The following OTULINL variants were observed in gnomAD, a reference collection of about 807,000 sequenced individuals.
The protein encoded by OTULINL is OTU deubiquitinase with linear linkage specificity like.
Under a neutral mutation model 43.9 loss-of-function variants are expected in OTULINL, and 42 were observed. That is an observed-to-expected ratio of 0.96 (90% CI 0.75 to 1.24). The LOEUF is 1.24. Ranked by LOEUF, OTULINL falls within the 50% of genes most tolerant of loss-of-function variation. OTULINL has a pLI of 0.00. For missense variants in OTULINL, 411 were observed against 426.4 expected (o/e 0.96, Z 0.32); for synonymous variants, 172 against 153.6 (o/e 1.12, Z -0.88).
At chr5:14,587,650 T>G (rs1428801423) in intron 1 of OTULINL, among the ~76,000 whole-genome samples, 1 of 152,110 alleles carries the variant, frequency 6.6e-6, no homozygotes, top group Non-Finnish European at 1.5e-5. Context: ...TAAAGAAAAA[T>G]CCCTTGAATC....
Position 14,601,097 on chromosome 5 carries a change from AT to A in OTULINL, c.200del (p.Leu67TyrfsTer7). ...VAAICYFRRL[H>X]LYSGHKLKWW... is the part of the protein sequence containing the mutation. ...GCCATCTGCTACTTCCGGAGGCTAC[AT>A]TTATATTCAGGGCACAAGCTGAAAT... On this transcript the variant is annotated frameshift_variant, in exon 2 of 8. Coordinates refer to ENST00000274217, the MANE Select transcript of OTULINL (RefSeq NM_019018.3). LOFTEE classifies it high-confidence loss of function. 1 of 1,612,448 alleles carries A rather than the reference AT, an allele frequency of 6.2e-7. No homozygotes were observed. Among genetic ancestry groups the A allele is most frequent in the Non-Finnish European group, 8.5e-7 (1 of 1,179,466 alleles).
chr5:14,602,924 G>A (rs879565673), intron 5 of OTULINL, among the ~76,000 whole-genome samples: 1 of 152,238 alleles, frequency 6.6e-6, no homozygotes, highest in Non-Finnish European at 1.5e-5. Context: ...GTTAATGAGA[G>A]TTTTAATAAA....
In OTULINL at chr5:14,601,098, T is replaced by G; in HGVS notation, c.198T>G (p.His66Gln). The G allele has an allele frequency of 6.2e-7, 1 of 1,612,756 alleles. No individual in the cohort carries two copies. The highest frequency in any genetic ancestry group is 1.7e-5 in the Admixed American group (1 of 59,728). The change falls in exon 2 of 8, where the codon CAT becomes CAG. Residue 66 changes from histidine (H) to glutamine (Q), a missense_variant. By Grantham distance (24) the His-to-Gln change is conservative. Coordinates refer to ENST00000274217, the MANE Select transcript of OTULINL (RefSeq NM_019018.3). Reference sequence around the variant, plus strand: ...CCATCTGCTACTTCCGGAGGCTACATTTATATTCAGGGCACAAGCTGAAAT... The same window carrying G: ...CCATCTGCTACTTCCGGAGGCTACAGTTATATTCAGGGCACAAGCTGAAAT... ...VAAICYFRRLHLYSGHKLKWW... is the reference protein window; with the variant it reads ...VAAICYFRRLQLYSGHKLKWW...
chr5:14,592,309 A>G (rs928907289), intron 1 of OTULINL, among the ~76,000 whole-genome samples: 19 of 152,208 alleles, frequency 1.2e-4, no homozygotes, highest in African/African-American at 4.6e-4. Context: ...TCTAAACTAT[A>G]AGAGAGAAAG....
rs1393079455 is a variant in OTULINL, at chr5:14,611,071, A to G, written c.*757A>G. 6.6e-6 allele frequency: 1 copy of G among 152,216 alleles called. No homozygotes were observed. 9.4% of individuals were successfully genotyped at this position (152,216 alleles called of 1,614,324 possible). ...ACAGTTATTGAACTATCACAAAACT[A>G]TTAAACTGTGGTACATTTAATGTGT... On this transcript the variant is annotated 3_prime_UTR_variant, in exon 8 of 8. Coordinates refer to ENST00000274217, the MANE Select transcript of OTULINL (RefSeq NM_019018.3).
At chr5:14,609,662 G>A (rs1355585083) in intron 7 of OTULINL, among the ~76,000 whole-genome samples, 2 of 125,192 alleles carry the variant, frequency 1.6e-5, no homozygotes, top group South Asian at 2.5e-4. Context: ...ACGGAGTCTC[G>A]TTCTGTCGCC....
In OTULINL at chr5:14,608,805, C is replaced by G. The variant is rs1409858203; in HGVS notation, c.685C>G (p.Leu229Val). The G allele has an allele frequency of 1.2e-6, 2 of 1,613,254 alleles. No homozygotes were observed. Among genetic ancestry groups the G allele is most frequent in the East Asian group, 4.5e-5 (2 of 44,852 alleles). Residue 229 changes from leucine (L) to valine (V), a missense_variant, in exon 7 of 8, where the codon CTT becomes GTT. Transcript: ENST00000274217. Reference protein sequence around the residue: ...YHKRGSMCNTLFSDAILEYKL... With the variant: ...YHKRGSMCNTVFSDAILEYKL... Reference sequence around the variant, plus strand: ...CAAGAGAGGAAGTATGTGCAACACCCTTTTTTCAGATGCCATTCTGGAATA... The same window carrying G: ...CAAGAGAGGAAGTATGTGCAACACCGTTTTTTCAGATGCCATTCTGGAATA...
At chr5:14,606,498 T>C (rs1759479630) in intron 5 of OTULINL, among the ~76,000 whole-genome samples, 1 of 152,242 alleles carries the variant, frequency 6.6e-6, no homozygotes, top group Non-Finnish European at 1.5e-5. Flanking sequence ...TGGATACCTA[T>C]GATGGATTAG....
At chr5:14,593,734 C>T (rs1274466804) in intron 1 of OTULINL, among the ~76,000 whole-genome samples, 1 of 152,204 alleles carries the variant, frequency 6.6e-6, no homozygotes, top group Non-Finnish European at 1.5e-5. Context: ...GCCCGACTCT[C>T]AGCTGTGATG....
rs1759380112 is a variant in OTULINL at position 14,601,065 on chromosome 5, G to A, written c.165G>A (p.Leu55=). 6.2e-7 allele frequency: 1 copy of A among 1,613,134 alleles called. No individual in the cohort carries two copies. Among genetic ancestry groups the A allele is most frequent in the Non-Finnish European group, 8.5e-7 (1 of 1,179,824 alleles). ...KGFVMLAVSF[L]VAAICYFRRL... is the part of the protein sequence containing the mutation. ...TTGTGATGTTGGCAGTTTCATTTCT[G>A]GTGGCTGCCATCTGCTACTTCCGGA... Residue 55 remains leucine, a synonymous_variant, in exon 2 of 8, where the codon CTG becomes CTA. Transcript: ENST00000274217.
intron 1 of OTULINL, among the ~76,000 whole-genome samples, chr5:14,600,014 A>C (rs1759356307): frequency 6.6e-6 from 1 of 152,202 alleles, no homozygotes; most frequent in African/African-American, 2.4e-5. Flanking sequence ...AAAATATATA[A>C]ATGGGCAGAA....
intron 1 of OTULINL, among the ~76,000 whole-genome samples, chr5:14,593,849 T>C (rs539340338): frequency 6.6e-6 from 1 of 152,194 alleles, no homozygotes; most frequent in East Asian, 1.9e-4. Context: ...GGGGGCAGTG[T>C]GCCCCATCCT....
chr5:14,602,289 G>A lies in OTULINL; in HGVS notation c.455G>A (p.Gly152Asp), dbSNP rs959082569. The change falls in exon 5 of 8, where the codon GGC (glycine) becomes GAC (aspartate). Residue 152 changes from glycine to aspartate, a missense_variant. By Grantham distance (94) the Gly-to-Asp change is moderately conservative. Coordinates refer to ENST00000274217, the MANE Select transcript of OTULINL (RefSeq NM_019018.3). The part of the protein sequence containing the change: ...RSVLFQIFSQ[G>D]ISFPSWMKEK... ...GTGTTATTTCAGATATTCAGCCAGG[G>A]CATCTCTTTTCCATCATGGATGAAA... 3.1e-6 allele frequency: 5 copies of A among 1,613,668 alleles called. No homozygotes were observed. The African/African-American group carries it at 4.0e-5, about 13-fold the overall frequency.
intron 5 of OTULINL, among the ~76,000 whole-genome samples, chr5:14,606,317 C>G (rs1759475116): frequency 6.6e-6 from 1 of 152,180 alleles, no homozygotes; most frequent in South Asian, 2.1e-4. Flanking sequence ...ACGATTCAGT[C>G]ACCTCCCACC....
chr5:14,591,853 C>T (rs1184148546), intron 1 of OTULINL, among the ~76,000 whole-genome samples: 1 of 152,192 alleles, frequency 6.6e-6, no homozygotes, highest in African/African-American at 2.4e-5. Context: ...TTTGTTTTTA[C>T]ATGGCCTATG....
chr5:14,606,997 G>A (rs1452534071), intron 5 of OTULINL, among the ~76,000 whole-genome samples: 1 of 152,238 alleles, frequency 6.6e-6, no homozygotes, highest in Non-Finnish European at 1.5e-5. Context: ...GGGAGGCCAA[G>A]GCGGGCAGAT....
intron 6 of OTULINL, among the ~76,000 whole-genome samples, chr5:14,608,010 A>G (rs751433997): frequency 4.6e-5 from 7 of 152,236 alleles, no homozygotes; most frequent in Non-Finnish European, 1.0e-4. Flanking sequence ...GTGAGGATTC[A>G]ATGACGTAAT....
At chr5:14,604,446 C>T (rs1353905584) in intron 5 of OTULINL, among the ~76,000 whole-genome samples, 1 of 152,150 alleles carries the variant, frequency 6.6e-6, no homozygotes, top group Non-Finnish European at 1.5e-5. Flanking sequence ...ATTTCAAAAC[C>T]AATCATGCCT....
At position 14,610,207 on chromosome 5, in the gene OTULINL, A is replaced by T; in HGVS notation, c.964A>T (p.Asn322Tyr). 6.2e-7 allele frequency: 1 copy of T among 1,614,064 alleles called. No homozygotes were observed. The highest frequency in any genetic ancestry group is 8.5e-7 in the Non-Finnish European group (1 of 1,179,912). Residue 322 changes from asparagine (N) to tyrosine (Y), a missense_variant, in exon 8 of 8, where the codon AAC becomes TAC. Asn to Tyr is a moderately radical substitution (Grantham distance 143). Coordinates refer to ENST00000274217, the MANE Select transcript of OTULINL (RefSeq NM_019018.3). ...AAAAGTGTTCAGACTGTTCAAGTTT[A>T]ACTCCAGAGACTTTGAAGTCTGCTA... ...KIKVFRLFKF[N>Y]SRDFEVCYPE...
Sources: allele counts gnomAD v4.1 joint callset (sites outside exome capture counted in the v4.1 genomes callset), GRCh38; gene constraint gnomAD v4.1.1; transcripts MANE v1.5; gene names NCBI Gene and HGNC (gene_info 2026-07-23, HGNC 2026-07-21).